The following OGDHL variants were observed in gnomAD, a reference collection of about 807,000 sequenced individuals.
OGDHL encodes the protein oxoglutarate dehydrogenase L.
A neutral mutation model predicts 109.6 loss-of-function variants in OGDHL; 79 were observed. That is an observed-to-expected ratio of 0.72 (90% CI 0.60 to 0.87). OGDHL has a LOEUF of 0.87. OGDHL is among the 40% of genes least tolerant of loss of function. OGDHL has a pLI of 0.00. For missense variants in OGDHL, 1,275 were observed against 1,362.2 expected (o/e 0.94, Z 1.01); for synonymous variants, 528 against 537.2 (o/e 0.98, Z 0.24).
In OGDHL at chr10:49,735,293, C is replaced by T; in HGVS notation, c.2968G>A (p.Val990Met). 3.1e-6 allele frequency: 5 copies of T among 1,614,162 alleles called. No individual in the cohort carries two copies. Among genetic ancestry groups the T allele is most frequent in the Non-Finnish European group, 4.2e-6 (5 of 1,180,020 alleles). ...PATGNRNTHLVSLKKFLDTAF... is the reference protein window; with the variant it reads ...PATGNRNTHLMSLKKFLDTAF... The stretch of plus-strand genomic sequence containing the variant: ...GTATCCAGAAACTTCTTCAGTGACA[C>T]CAGGTGAGTGTTCCTGTTTCCTGTG... The change falls in exon 23 of 23, where the codon GTG (valine) becomes ATG (methionine). Residue 990 changes from valine (V) to methionine (M), a missense_variant. Coordinates refer to ENST00000374103, the MANE Select transcript of OGDHL (RefSeq NM_018245.3).
intron 15 of OGDHL, among the ~76,000 whole-genome samples, chr10:49,742,505 CACCA>C: frequency 1.4e-5 from 1 of 73,282 alleles, no homozygotes; most frequent in Non-Finnish European, 2.8e-5. Flanking sequence ...ACATACCACA[CACCA>C]CATACACACC....
rs573586562 is a variant in OGDHL, at chr10:49,749,834, G to A, written c.897-18C>T. ...GCCTTCCCCTGGAGCCAGAGGGGCCGGGCTCTCACCTGGCAAAGCCCGCAG... is the reference window on the plus strand; with the variant it reads ...GCCTTCCCCTGGAGCCAGAGGGGCCAGGCTCTCACCTGGCAAAGCCCGCAG... On this transcript the variant is annotated intron_variant, in intron 7 of 22. Transcript: ENST00000374103. 329 of 1,574,782 alleles carry A rather than the reference G, an allele frequency of 2.1e-4. 5 individuals carry two copies. The South Asian group carries it at 3.5e-3, about 17-fold the overall frequency.
intron 8 of OGDHL, among the ~76,000 whole-genome samples, chr10:49,748,531 G>GA (rs985884601): frequency 1.3e-5 from 2 of 151,578 alleles, no homozygotes; most frequent in African/African-American, 2.4e-5. Context: ...TTTTTCAGTT[G>GA]AAAAAAAATA....
rs1389498340 is a variant in OGDHL, at chr10:49,752,608, T to A, written c.478+30A>T. On this transcript the variant is annotated intron_variant, in intron 4 of 22. Coordinates refer to ENST00000374103, the MANE Select transcript of OGDHL (RefSeq NM_018245.3). ...CCTTACTGGGCCACCCACACAGCAC[T>A]GCCATGGCCGTCCTGAGGAAGGGTC... is the stretch of plus-strand genomic sequence containing the variant. The A allele has an allele frequency of 3.2e-6, 5 of 1,580,032 alleles. 1 individual carries two copies. The highest frequency in any genetic ancestry group is 3.3e-4 in the Middle Eastern group (2 of 5,992).
rs148122695 is a variant in OGDHL, at chr10:49,746,994, G to A, written c.1167+35C>T. The A allele has an allele frequency of 6.4e-4, 1,034 of 1,610,684 alleles. 7 individuals are homozygous for A. In the African/African-American group the frequency reaches 0.012, roughly 19 times the overall value. Reference sequence around the variant, plus strand: ...CAGCCCTCTGGGCCCACCCTGAAGGGCCCAGGTCCTCTGGGTTCCCCCAGG... The same window carrying A: ...CAGCCCTCTGGGCCCACCCTGAAGGACCCAGGTCCTCTGGGTTCCCCCAGG... On this transcript the variant is annotated intron_variant, in intron 9 of 22. Transcript: ENST00000374103.
intron 21 of OGDHL, 22 bp downstream of exon 21, chr10:49,736,335 T>C (rs536040119): frequency 1.9e-6 from 3 of 1,613,556 alleles, no homozygotes; most frequent in South Asian, 2.2e-5. Flanking sequence ...ATCACTTGAC[T>C]GTACAAGGGG....
At chr10:49,751,687 TC>T in intron 6 of OGDHL, 139 bp downstream of exon 6, 1 of 1,133,814 alleles carries the variant, frequency 8.8e-7, no homozygotes, top group South Asian at 1.5e-5. Flanking sequence ...GTCCCAACTC[TC>T]CTCCCTGCAG....
chr10:49,744,263 G>C, intron 13 of OGDHL, 141 bp from the exon 14 acceptor site: 1 of 1,086,304 alleles, frequency 9.2e-7, no homozygotes. Context: ...CCACCCTTGG[G>C]ACCTGGGACA....
intron 3 of OGDHL, 99 bp downstream of exon 3, chr10:49,756,677 G>A (rs1194828982): frequency 8.2e-7 from 1 of 1,214,554 alleles, no homozygotes; most frequent in South Asian, 1.7e-5. Context: ...AGGGCTCTCT[G>A]GGGAGATGAT....
chr10:49,749,409 TG>T (rs1429366322), intron 8 of OGDHL, among the ~76,000 whole-genome samples: 1 of 152,150 alleles, frequency 6.6e-6, no homozygotes, highest in African/African-American at 2.4e-5. Context: ...ACTTTGGACA[TG>T]GAGGCACAGC....
rs35613628 is a variant in OGDHL, at chr10:49,742,857, G to A, written c.1983C>T (p.Ser661=). The A allele has an allele frequency of 1.2e-3, 1,870 of 1,613,498 alleles. 17 individuals are homozygous for A. In the African/African-American group the frequency reaches 0.022, roughly 19 times the overall value. Reference sequence around the variant, plus strand: ...ATGTGCCCCTCTCCACATCCTGCCCGCTGAGCCGCACGTGGATGCCTTCCT... The same window carrying A: ...ATGTGCCCCTCTCCACATCCTGCCCACTGAGCCGCACGTGGATGCCTTCCT... ...LLKEGIHVRL[S]GQDVERGTFS... Residue 661 remains serine (S), a synonymous_variant, in exon 15 of 23, where the codon AGC becomes AGT. Transcript: ENST00000374103.
chr10:49,753,664 G>T (rs1842745532), intron 3 of OGDHL, among the ~76,000 whole-genome samples: 1 of 152,190 alleles, frequency 6.6e-6, no homozygotes, highest in African/African-American at 2.4e-5. Context: ...GCTAAGATGG[G>T]TGGATCACCT....
chr10:49,748,741 T>TA (rs1554820920), intron 8 of OGDHL, among the ~76,000 whole-genome samples: 14 of 69,418 alleles, frequency 2.0e-4, no homozygotes, highest in Non-Finnish European at 3.1e-4. Context: ...TAGGTATGGG[T>TA]CCACACACAC....
chr10:49,747,024 C>T lies in OGDHL; in HGVS notation c.1167+5G>A. On this transcript the variant is annotated splice_donor_5th_base_variant and intron_variant, in intron 9 of 22. Transcript: ENST00000374103. Reference sequence around the variant, plus strand: ...GGTCCTCTGGGTTCCCCCAGGTGAGCTCACCTTCTTGCCCTGGGCATCTCC... The same window carrying T: ...GGTCCTCTGGGTTCCCCCAGGTGAGTTCACCTTCTTGCCCTGGGCATCTCC... 1 of 1,613,500 alleles carries T rather than the reference C, an allele frequency of 6.2e-7. No homozygotes were observed. Among genetic ancestry groups the T allele is most frequent in the South Asian group, 1.1e-5 (1 of 91,006 alleles).
chr10:49,738,267 A>C lies in OGDHL; in HGVS notation c.2320-5T>G. ...CGCTGACGAGTGCTCTGGGCCCTGA[A>C]AGCAAACGCCAGACAGCCAAGGCTG... On this transcript the variant is annotated splice_region_variant and splice_polypyrimidine_tract_variant and intron_variant, in intron 17 of 22. Coordinates refer to ENST00000374103, the MANE Select transcript of OGDHL (RefSeq NM_018245.3). 6.2e-7 allele frequency: 1 copy of C among 1,612,478 alleles called. No individual in the cohort carries two copies. The highest frequency in any genetic ancestry group is 8.5e-7 in the Non-Finnish European group (1 of 1,180,000).
intron 20 of OGDHL, among the ~76,000 whole-genome samples, chr10:49,737,583 G>T (rs985954483): frequency 2.6e-5 from 4 of 152,162 alleles, no homozygotes; most frequent in African/African-American, 9.7e-5. Context: ...TACCATGGAC[G>T]CAACCCACAT....
chr10:49,735,755 C>A (rs534993983), intron 22 of OGDHL, among the ~76,000 whole-genome samples: 2 of 152,344 alleles, frequency 1.3e-5, no homozygotes, highest in Admixed American at 6.5e-5. Flanking sequence ...ATCTTATCAC[C>A]GCCCTTTGTA....
At chr10:49,748,390 T>C (rs1224015962) in intron 8 of OGDHL, among the ~76,000 whole-genome samples, 1 of 152,216 alleles carries the variant, frequency 6.6e-6, no homozygotes, top group African/African-American at 2.4e-5. Context: ...GAAATGTTTC[T>C]AGAAGTACAC....
intron 17 of OGDHL, 74 bp from the exon 18 acceptor site, chr10:49,738,336 G>A: frequency 6.5e-7 from 1 of 1,537,608 alleles, no homozygotes; most frequent in Non-Finnish European, 8.9e-7. Flanking sequence ...GGGACCCCAG[G>A]CTCAGGGGAA....
Sources: allele counts gnomAD v4.1 joint callset (sites outside exome capture counted in the v4.1 genomes callset), GRCh38; gene constraint gnomAD v4.1.1; transcripts MANE v1.5; gene names NCBI Gene and HGNC (gene_info 2026-07-23, HGNC 2026-07-21).